The following DEPDC1B variants were observed in gnomAD, a reference collection of about 807,000 sequenced individuals.
The protein encoded by DEPDC1B is DEP domain containing 1B.
In DEPDC1B, 51 loss-of-function variants were observed where a neutral mutation model predicts 66.5. The observed-to-expected ratio is 0.77, with a 90% confidence interval of 0.61 to 0.97. The LOEUF is 0.97. Among genes scored for constraint, DEPDC1B ranks in the 50% least tolerant of loss-of-function variants. DEPDC1B has a pLI of 0.00. For synonymous variants in DEPDC1B, 226 were observed against 223.6 expected, an observed-to-expected ratio of 1.01 and a Z score of -0.10; for missense variants, 552 against 637.1, an observed-to-expected ratio of 0.87 and a Z score of 1.44.
At chr5:60,673,779 G>C (rs1194592277) in intron 2 of DEPDC1B, among the ~76,000 whole-genome samples, 1 of 152,160 alleles carries the variant, frequency 6.6e-6, no homozygotes, top group African/African-American at 2.4e-5. Context: ...TTATTATTTT[G>C]TTTCTAGGTC....
chr5:60,650,382 G>A (rs1484738598), intron 2 of DEPDC1B, among the ~76,000 whole-genome samples: 5 of 152,124 alleles, frequency 3.3e-5, no homozygotes, highest in African/African-American at 1.2e-4. Context: ...TGACATTTAG[G>A]GCCGGATAGT....
chr5:60,638,453 A>G (rs1753110578), intron 7 of DEPDC1B, among the ~76,000 whole-genome samples: 1 of 152,198 alleles, frequency 6.6e-6, no homozygotes, highest in Non-Finnish European at 1.5e-5. Context: ...TCAAACTTAC[A>G]TTCTCCTCTG....
intron 5 of DEPDC1B, among the ~76,000 whole-genome samples, chr5:60,644,454 A>G (rs148557386): frequency 6.6e-6 from 1 of 152,256 alleles, no homozygotes; most frequent in Non-Finnish European, 1.5e-5. Flanking sequence ...TATGTCTTGA[A>G]TATTCTCACT....
chr5:60,643,892 G>T (rs1329017711), intron 5 of DEPDC1B, among the ~76,000 whole-genome samples: 2 of 152,234 alleles, frequency 1.3e-5, no homozygotes, highest in Non-Finnish European at 2.9e-5. Context: ...CAGGAAACAT[G>T]GCATAGAAAA....
At chr5:60,643,909 TC>T (rs1168629251) in intron 5 of DEPDC1B, among the ~76,000 whole-genome samples, 6 of 152,158 alleles carry the variant, frequency 3.9e-5, no homozygotes, top group Admixed American at 3.9e-4. Context: ...AAAAATCTCT[TC>T]CCCTCTCACC....
chr5:60,639,880 C>A (rs1753148037), intron 6 of DEPDC1B, among the ~76,000 whole-genome samples: 1 of 152,192 alleles, frequency 6.6e-6, no homozygotes, highest in Non-Finnish European at 1.5e-5. Context: ...GAAGACTAAA[C>A]AACTGTACCC....
chr5:60,646,565 T>TGA (rs1333656836), intron 3 of DEPDC1B, among the ~76,000 whole-genome samples: 1 of 152,184 alleles, frequency 6.6e-6, no homozygotes, highest in African/African-American at 2.4e-5. Flanking sequence ...AGATTGAAAA[T>TGA]ATTCAGAGGA....
rs1270115848 is a variant in DEPDC1B at position 60,679,189 on chromosome 5, A to T, written c.314+7773T>A. Among the ~76,000 whole-genome samples, 3 of 152,276 alleles carry T rather than the reference A, an allele frequency of 2.0e-5. No homozygotes were observed. The East Asian group carries it at 5.8e-4, about 29-fold the overall frequency. ...CATTAAATAGAATTTACATCTTTGT[A>T]AAAAAATCTATTGGCATATTTATAT... On this transcript the variant is annotated intron_variant, in intron 2 of 10. Coordinates refer to ENST00000265036, the MANE Select transcript of DEPDC1B (RefSeq NM_018369.3).
intron 5 of DEPDC1B, among the ~76,000 whole-genome samples, chr5:60,643,640 T>A (rs930776139): frequency 1.3e-5 from 2 of 152,250 alleles, no homozygotes; most frequent in African/African-American, 4.8e-5. Context: ...AGATGATTGA[T>A]CATCTAACTG....
intron 7 of DEPDC1B, among the ~76,000 whole-genome samples, chr5:60,620,473 G>C (rs962981986): frequency 6.6e-6 from 1 of 152,176 alleles, no homozygotes; most frequent in African/African-American, 2.4e-5. Flanking sequence ...TCAACAAGTA[G>C]GCGAAGGATA....
In DEPDC1B at chr5:60,657,252, T is replaced by G. The variant is rs543822221; in HGVS notation, c.315-9719A>C. Among the ~76,000 whole-genome samples, 24 of 152,342 alleles carry G rather than the reference T, an allele frequency of 1.6e-4. No homozygotes were observed. The South Asian group carries it at 4.6e-3, about 29-fold the overall frequency. On this transcript the variant is annotated intron_variant, in intron 2 of 10. Coordinates refer to ENST00000265036, the MANE Select transcript of DEPDC1B (RefSeq NM_018369.3). The stretch of plus-strand genomic sequence containing the variant: ...GTGAATTCTTATCCATTCTGCCACA[T>G]TCTGTATCTTTTAAGTGGAGCATTT...
Position 60,687,021 on chromosome 5 carries a change from A to G in DEPDC1B, c.255T>C (p.Ile85=), listed in dbSNP as rs147793543. ...LLKKFLKNHV[I]EDIKGKWGEE... is the part of the protein sequence containing the mutation. ...CACCCCATTTTCCCTTGATGTCTTC[A>G]ATAACGTGATTCTTCAGGAATTTTT... Residue 85 remains isoleucine (I), a synonymous_variant, in exon 2 of 11, where the codon ATT becomes ATC. Transcript: ENST00000265036. 1.0e-3 allele frequency: 1,661 copies of G among 1,614,198 alleles called. 3 individuals are homozygous for G. Among genetic ancestry groups the G allele is most frequent in the Non-Finnish European group, 1.2e-3 (1,465 of 1,180,032 alleles).
At chr5:60,654,473 A>G (rs1326135015) in intron 2 of DEPDC1B, among the ~76,000 whole-genome samples, 1 of 148,112 alleles carries the variant, frequency 6.8e-6, no homozygotes, top group African/African-American at 2.6e-5. Flanking sequence ...GTGTACATTA[A>G]TTTTGTATCC....
intron 2 of DEPDC1B, among the ~76,000 whole-genome samples, chr5:60,657,520 T>C (rs1428668558): frequency 1.3e-5 from 2 of 152,348 alleles, no homozygotes; most frequent in African/African-American, 4.8e-5. Flanking sequence ...CATTTGTCTT[T>C]AAAAGACTGT....
chr5:60,676,706 G>A (rs748253026), intron 2 of DEPDC1B, among the ~76,000 whole-genome samples: 4 of 151,678 alleles, frequency 2.6e-5, no homozygotes, highest in Non-Finnish European at 4.4e-5. Context: ...CTGTTTAGCC[G>A]ACCCAGGCTG....
chr5:60,671,914 AGAGTCTAAC>A (rs1472294098), intron 2 of DEPDC1B, among the ~76,000 whole-genome samples: 1 of 152,230 alleles, frequency 6.6e-6, no homozygotes, highest in Non-Finnish European at 1.5e-5. Context: ...CAAGAAACTT[AGAGTCTAAC>A]AACTATGCCC....
chr5:60,614,371 T>C (rs892974833), intron 7 of DEPDC1B, among the ~76,000 whole-genome samples: 1 of 152,180 alleles, frequency 6.6e-6, no homozygotes. Context: ...TTGTTTTGTG[T>C]TTTGTTTTGT....
At chr5:60,608,688 T>C (rs1752357734) in intron 7 of DEPDC1B, among the ~76,000 whole-genome samples, 1 of 151,922 alleles carries the variant, frequency 6.6e-6, no homozygotes, top group Non-Finnish European at 1.5e-5. Context: ...AAAATTTCTT[T>C]GTGAGGATGC....
intron 7 of DEPDC1B, among the ~76,000 whole-genome samples, chr5:60,634,058 T>G (rs1272947243): frequency 8.5e-5 from 13 of 152,180 alleles, no homozygotes; most frequent in Admixed American, 8.5e-4. Context: ...TGGCATGCAG[T>G]AGAGTCTGCA....
Sources: gnomAD v4.1 joint callset for allele counts (sites outside exome capture counted in the v4.1 genomes callset) on GRCh38, gnomAD v4.1.1 for gene constraint, MANE v1.5 for transcripts, NCBI Gene and HGNC (gene_info 2026-07-23, HGNC 2026-07-21) for gene names.